Variants in EEIG2 observed in about 807,000 individuals in gnomAD.
EEIG2 encodes the protein EEIG family member 2, also known as family with sequence similarity 102 member B.
chr1:108,572,595 CTTGATTTAT>C, the EEIG2 span, among the ~76,000 whole-genome samples: 1 of 151,874 alleles, frequency 6.6e-6, no homozygotes, highest in African/African-American at 2.4e-5. Context: ...TCCTCTAATC[CTTGATTTAT>C]TTGATTTATT....
the EEIG2 span, among the ~76,000 whole-genome samples, chr1:108,575,767 A>G: frequency 6.6e-6 from 1 of 152,230 alleles, no homozygotes; most frequent in Non-Finnish European, 1.5e-5. Flanking sequence ...AGCAAAATCT[A>G]CAGAGACAGA....
At chr1:108,599,913 T>C in the EEIG2 span, among the ~76,000 whole-genome samples, 2 of 152,128 alleles carry the variant, frequency 1.3e-5, no homozygotes, top group Non-Finnish European at 2.9e-5. Context: ...GGAGAATTGC[T>C]TGAATCCAGG....
the EEIG2 span, among the ~76,000 whole-genome samples, chr1:108,596,044 A>G: frequency 6.6e-6 from 1 of 152,144 alleles, no homozygotes; most frequent in Non-Finnish European, 1.5e-5. Context: ...CATTATAAAT[A>G]CAGACAGGTA....
At chr1:108,579,766 T>TGAGAGAGAGA in the EEIG2 span, among the ~76,000 whole-genome samples, 6 of 14,818 alleles carry the variant, frequency 4.0e-4, no homozygotes, top group Admixed American at 1.2e-3. Context: ...TGTGTGTGTG[T>TGAGAGAGAGA]GTGTGTGAGA....
At chr1:108,581,509 G>T in the EEIG2 span, among the ~76,000 whole-genome samples, 1 of 152,080 alleles carries the variant, frequency 6.6e-6, no homozygotes, top group African/African-American at 2.4e-5. Context: ...AAGCACATTT[G>T]TGATTTATGG....
At chr1:108,560,375 C>G in the EEIG2 span, 1 of 1,473,580 alleles carries the variant, frequency 6.8e-7, no homozygotes, top group Non-Finnish European at 9.1e-7. Context: ...CTCGGCCAAG[C>G]TGAGGCGGCG....
At chr1:108,611,071 G>C in the EEIG2 span, among the ~76,000 whole-genome samples, 15 of 152,086 alleles carry the variant, frequency 9.9e-5, no homozygotes, top group African/African-American at 3.6e-4. Flanking sequence ...CTGCTCTCTG[G>C]GTTCTTATTC....
chr1:108,569,745 C>T, the EEIG2 span, among the ~76,000 whole-genome samples: 1 of 152,166 alleles, frequency 6.6e-6, no homozygotes, highest in Admixed American at 6.6e-5. Context: ...CAGCTTATAT[C>T]AGCCAATTAT....
chr1:108,631,631 T>C, the EEIG2 span, among the ~76,000 whole-genome samples: 1 of 152,190 alleles, frequency 6.6e-6, no homozygotes, highest in Non-Finnish European at 1.5e-5. Flanking sequence ...ATAAGTACAG[T>C]AATTATGATA....
chr1:108,638,465 T>C, the EEIG2 span: 1 of 152,258 alleles, frequency 6.6e-6, no homozygotes, highest in African/African-American at 2.4e-5. Flanking sequence ...GCTGACATTA[T>C]TACCAAATAC....
At chr1:108,593,356 A>G in the EEIG2 span, among the ~76,000 whole-genome samples, 1 of 152,170 alleles carries the variant, frequency 6.6e-6, no homozygotes, top group Non-Finnish European at 1.5e-5. Flanking sequence ...AGGAAAGAAT[A>G]AAAGGTAAAA....
the EEIG2 span, among the ~76,000 whole-genome samples, chr1:108,630,239 T>G: frequency 1.3e-5 from 2 of 152,252 alleles, no homozygotes; most frequent in South Asian, 2.1e-4. Context: ...CAACTTAAGC[T>G]GCTGTTAACC....
At chr1:108,606,323 T>A in the EEIG2 span, 1 of 1,089,252 alleles carries the variant, frequency 9.2e-7, no homozygotes, top group Non-Finnish European at 1.3e-6. Context: ...GCTTAAAAAT[T>A]AAATTGTTTA....
the EEIG2 span, among the ~76,000 whole-genome samples, chr1:108,563,975 A>C: frequency 1.3e-5 from 2 of 152,214 alleles, no homozygotes; most frequent in African/African-American, 4.8e-5. Flanking sequence ...GCATTGACAA[A>C]GTGAGGATGG....
chr1:108,591,996 A>G, the EEIG2 span, among the ~76,000 whole-genome samples: 2 of 152,234 alleles, frequency 1.3e-5, no homozygotes, highest in Non-Finnish European at 2.9e-5. Flanking sequence ...AGGCCCCATT[A>G]AGGAGGTTGA....
At chr1:108,621,119 T>C in the EEIG2 span, among the ~76,000 whole-genome samples, 1 of 152,182 alleles carries the variant, frequency 6.6e-6, no homozygotes, top group African/African-American at 2.4e-5. Context: ...ATGTTGTCGT[T>C]TTATGAGGTC....
At chr1:108,618,950 C>G in the EEIG2 span, among the ~76,000 whole-genome samples, 1 of 151,830 alleles carries the variant, frequency 6.6e-6, no homozygotes, top group Non-Finnish European at 1.5e-5. Flanking sequence ...TTTCTGCTTT[C>G]TTGGGATTAA....
the EEIG2 span, among the ~76,000 whole-genome samples, chr1:108,579,772 T>TGTGTGTGAGAGAGAGAGAGAGA: frequency 3.4e-5 from 2 of 58,870 alleles, no homozygotes; most frequent in South Asian, 9.1e-4. Flanking sequence ...TGTGTGTGTG[T>TGTGTGTGAGAGAGAGAGAGAGA]GAGAGAGAGA....
the EEIG2 span, among the ~76,000 whole-genome samples, chr1:108,583,915 A>G: frequency 6.6e-5 from 10 of 152,138 alleles, no homozygotes; most frequent in Non-Finnish European, 1.5e-4. Context: ...GAAGCTAACT[A>G]TGGAAAGTAC....
Sources: gnomAD v4.1 joint callset for allele counts (sites outside exome capture counted in the v4.1 genomes callset) on GRCh38, gnomAD v4.1.1 for gene constraint, MANE v1.5 for transcripts, NCBI Gene and HGNC (gene_info 2026-07-23, HGNC 2026-07-21) for gene names.